BRINP1: variants seen among roughly 807,000 people sequenced by gnomAD.
BRINP1 encodes the protein BMP/retinoic acid-inducible neural-specific protein 1.
In BRINP1, 17 loss-of-function variants were observed where a neutral mutation model predicts 72.9. That is an observed-to-expected ratio of 0.23 (90% confidence interval 0.16 to 0.35). The LOEUF is 0.35. Among genes scored for constraint, BRINP1 ranks in the 10% least tolerant of loss-of-function variants. The pLI, the probability that BRINP1 is intolerant of heterozygous loss-of-function variation, is 1.00. For missense variants in BRINP1, 850 were observed against 1,001.6 expected (o/e 0.85, Z 2.04); for synonymous variants, 418 against 378.5 (o/e 1.10, Z -1.21).
At chr9:119,200,866 C>T (rs1296946368) in intron 7 of BRINP1, among the ~76,000 whole-genome samples, 2 of 151,832 alleles carry the variant, frequency 1.3e-5, no homozygotes, top group Admixed American at 6.6e-5. Context: ...AAAGGAAGCA[C>T]ATTCAAGCAG....
In BRINP1 at chr9:119,248,968, G is replaced by A; in HGVS notation, c.401C>T (p.Thr134Ile). 6.2e-7 allele frequency: 1 copy of A among 1,611,702 alleles called. No individual in the cohort carries two copies. Among genetic ancestry groups the A allele is most frequent in the Non-Finnish European group, 8.5e-7 (1 of 1,178,232 alleles). The change falls in exon 3 of 8, where the codon ACA becomes ATA. Residue 134 changes from threonine to isoleucine, a missense_variant. Coordinates refer to ENST00000265922, the MANE Select transcript of BRINP1 (RefSeq NM_014618.3). ...KYGTHLLISA[T>I]LGGEEALTMY... ...AGTGGCTGCTGACCTACCTCCCAATGTGGCTGAGATGAGCAGGTGGGTGCC... is the reference window on the plus strand; with the variant it reads ...AGTGGCTGCTGACCTACCTCCCAATATGGCTGAGATGAGCAGGTGGGTGCC...
chr9:119,172,993 G>A (rs1829434822), intron 7 of BRINP1, among the ~76,000 whole-genome samples: 1 of 149,464 alleles, frequency 6.7e-6, no homozygotes, highest in African/African-American at 2.5e-5. Flanking sequence ...AAAATAATAA[G>A]AGCCATCTAT....
intron 1 of BRINP1, among the ~76,000 whole-genome samples, chr9:119,359,848 A>G (rs1831610428): frequency 6.6e-6 from 1 of 152,224 alleles, no homozygotes; most frequent in African/African-American, 2.4e-5. Context: ...AGAATATGTC[A>G]CATGCTTGGC....
chr9:119,209,347 T>A (rs1477838449), intron 6 of BRINP1, among the ~76,000 whole-genome samples: 1 of 152,004 alleles, frequency 6.6e-6, no homozygotes, highest in Non-Finnish European at 1.5e-5. Flanking sequence ...CCAAGGCGGG[T>A]GGATAACAGG....
intron 2 of BRINP1, among the ~76,000 whole-genome samples, chr9:119,252,513 T>C (rs1830400811): frequency 6.6e-6 from 1 of 151,752 alleles, no homozygotes; most frequent in African/African-American, 2.4e-5. Flanking sequence ...CATATAAACA[T>C]ACTGATATAT....
At chr9:119,343,769 C>A (rs1434935003) in intron 1 of BRINP1, among the ~76,000 whole-genome samples, 1 of 152,156 alleles carries the variant, frequency 6.6e-6, no homozygotes, top group Non-Finnish European at 1.5e-5. Flanking sequence ...TGTATAATGT[C>A]CCTCTCCCAC....
chr9:119,264,274 G>T (rs1407843540), intron 2 of BRINP1, among the ~76,000 whole-genome samples: 1 of 152,210 alleles, frequency 6.6e-6, no homozygotes, highest in Non-Finnish European at 1.5e-5. Context: ...AGAAGTCTTA[G>T]TGGGATTAAA....
In BRINP1 at chr9:119,318,844, G is replaced by GGGT. The variant is rs111313745; in HGVS notation, c.-50-5440_-50-5439insACC. ...TCATACATGGAAGAGAAATGTGTGG[G>GGGT]GTGTGTGTGTGTGTGTGTGTGTGTG... On this transcript the variant is annotated intron_variant, in intron 1 of 7. Transcript: ENST00000265922. Among the ~76,000 whole-genome samples, 866 of 142,232 alleles carry GGGT rather than the reference G, an allele frequency of 6.1e-3. 5 individuals carry two copies. Among genetic ancestry groups the GGGT allele is most frequent in the African/African-American group, 0.015 (575 of 38,486 alleles). The allele number at this position is 142,232 out of a possible 152,430, so 93.3% of individuals were successfully genotyped here.
At chr9:119,312,997 T>G in intron 2 of BRINP1, 141 bp downstream of exon 2, 1 of 938,632 alleles carries the variant, frequency 1.1e-6, no homozygotes, top group Middle Eastern at 3.5e-4. Flanking sequence ...AAAAAAAAAA[T>G]TAATCAAAAA....
intron 2 of BRINP1, among the ~76,000 whole-genome samples, chr9:119,261,039 C>T (rs1830490125): frequency 6.6e-6 from 1 of 152,034 alleles, no homozygotes; most frequent in Non-Finnish European, 1.5e-5. Context: ...ATTCTCAATA[C>T]TCTCAAAATT....
chr9:119,324,995 GA>G (rs1430803867), intron 1 of BRINP1, among the ~76,000 whole-genome samples: 1 of 152,048 alleles, frequency 6.6e-6, no homozygotes, highest in African/African-American at 2.4e-5. Context: ...AGCTACTCGG[GA>G]GGCTGAGGCA....
Position 119,167,421 on chromosome 9 carries a change from A to C in BRINP1, c.1949T>G (p.Ile650Ser). 6.2e-7 allele frequency: 1 copy of C among 1,614,006 alleles called. No individual in the cohort carries two copies. The highest frequency in any genetic ancestry group is 8.5e-7 in the Non-Finnish European group (1 of 1,179,964). The change falls in exon 8 of 8, where the codon ATC (isoleucine) becomes AGC (serine). Residue 650 changes from isoleucine (I) to serine (S), a missense_variant. By Grantham distance (142) the Ile-to-Ser change is moderately radical. Transcript: ENST00000265922. The surrounding 1 kb of genome is among the most constrained non-coding windows in gnomAD (Gnocchi z 4.3). ...AAACACCTGCACGTCTGAGATCTTG[A>C]TGTAGAACTGCCTCTTGGAGGGATC... ...LSDPSKRQFY[I>S]KISDVQVFGY...
At chr9:119,289,965 C>A (rs1455992206) in intron 2 of BRINP1, among the ~76,000 whole-genome samples, 1 of 152,182 alleles carries the variant, frequency 6.6e-6, no homozygotes, top group African/African-American at 2.4e-5. Context: ...CACTCTTGCT[C>A]CCCCTACTGG....
intron 7 of BRINP1, among the ~76,000 whole-genome samples, chr9:119,206,180 C>A (rs1175045466): frequency 6.6e-6 from 1 of 151,922 alleles, no homozygotes; most frequent in African/African-American, 2.4e-5. Context: ...CTTTGGGAGG[C>A]TGAGGTGGGT....
intron 7 of BRINP1, among the ~76,000 whole-genome samples, chr9:119,181,356 G>A (rs1199488742): frequency 2.0e-5 from 3 of 152,174 alleles, no homozygotes; most frequent in African/African-American, 7.2e-5. Context: ...GATCACAGGT[G>A]AGAGAGTAAG....
intron 3 of BRINP1, among the ~76,000 whole-genome samples, chr9:119,243,220 C>T (rs888281051): frequency 2.6e-5 from 4 of 152,120 alleles, no homozygotes; most frequent in African/African-American, 9.7e-5. Flanking sequence ...CCACCCTACC[C>T]CTCTGACAGG....
At position 119,167,298 on chromosome 9, in the gene BRINP1, G is replaced by A; in HGVS notation, c.2072C>T (p.Ser691Leu). The change falls in exon 8 of 8, where the codon TCA (serine) becomes TTA (leucine). Residue 691 changes from serine to leucine, a missense_variant. Ser to Leu is a moderately radical substitution (Grantham distance 145). Transcript: ENST00000265922. This position sits in a 1 kb window ranked among gnomAD's most constrained non-coding sequence, Gnocchi z 4.3. ...AATATCCAACAAGAGGAGCATCACT[G>A]ACGAAGAGGAATAGAACTGGCCGCC... The part of the protein sequence containing the change: ...TQGGQFYSSS[S>L]VMLLLLDIRD... 2 of 1,614,160 alleles carry A rather than the reference G, an allele frequency of 1.2e-6. No homozygotes were observed. Among genetic ancestry groups the A allele is most frequent in the Non-Finnish European group, 1.7e-6 (2 of 1,180,024 alleles).
At chr9:119,275,637 T>C (rs1430909773) in intron 2 of BRINP1, among the ~76,000 whole-genome samples, 2 of 152,208 alleles carry the variant, frequency 1.3e-5, no homozygotes, top group Admixed American at 6.5e-5. Context: ...AGTCCATCCA[T>C]ACTATAAGCT....
chr9:119,347,719 C>G (rs952366551), intron 1 of BRINP1, among the ~76,000 whole-genome samples: 1 of 152,118 alleles, frequency 6.6e-6, no homozygotes, highest in Non-Finnish European at 1.5e-5. Flanking sequence ...CTGTTTTACC[C>G]CATGGCCACT....
Sources: gnomAD v4.1 joint callset for allele counts (sites outside exome capture counted in the v4.1 genomes callset) on GRCh38, gnomAD v4.1.1 for gene constraint, Gnocchi (gnomAD v3.1) non-coding constraint, MANE v1.5 for transcripts, NCBI Gene and HGNC (gene_info 2026-07-23, HGNC 2026-07-21) for gene names.